DAB1: variants seen among roughly 807,000 people sequenced by gnomAD.
DAB1 encodes DAB adaptor protein 1.
In DAB1, 15 loss-of-function variants were observed where a neutral mutation model predicts 64.6. That is an observed-to-expected ratio of 0.23 (90% CI 0.16 to 0.36). The LOEUF is 0.36. Among genes scored for constraint, DAB1 ranks in the 10% least tolerant of loss-of-function variants. The pLI, the probability that DAB1 is intolerant of heterozygous loss-of-function variation, is 1.00. For synonymous variants in DAB1, 235 were observed against 251.9 expected (o/e 0.93, Z 0.64); for missense variants, 596 against 706.7 (o/e 0.84, Z 1.78).
At chr1:57,824,610 C>T (rs1232341277), downstream of DAB1, among the ~76,000 whole-genome samples, 1 of 152,152 alleles carries the variant, frequency 6.6e-6, no homozygotes, top group Non-Finnish European at 1.5e-5. Context: ...CAGACTGATA[C>T]ATGTCACATT....
At chr1:57,920,216 G>T (rs1569994685) in intron 5 of DAB1, among the ~76,000 whole-genome samples, 1 of 152,192 alleles carries the variant, frequency 6.6e-6, no homozygotes, top group Non-Finnish European at 1.5e-5. Context: ...GCCCTAAACA[G>T]CATTCTTTCC....
chr1:57,907,824 C>A (rs970510924), intron 5 of DAB1, among the ~76,000 whole-genome samples: 1 of 135,600 alleles, frequency 7.4e-6, no homozygotes, highest in Non-Finnish European at 1.5e-5. Flanking sequence ...TGTCATTGTG[C>A]AAACATCAGA....
At chr1:58,492,923 A>C (rs1427712112) in intron 3 of DAB1, among the ~76,000 whole-genome samples, 1 of 152,234 alleles carries the variant, frequency 6.6e-6, no homozygotes, top group Non-Finnish European at 1.5e-5. Flanking sequence ...TTATGAGGCC[A>C]GCATCATCCT....
intron 4 of DAB1, among the ~76,000 whole-genome samples, chr1:58,214,382 A>G (rs1358718049): frequency 6.6e-6 from 1 of 152,204 alleles, no homozygotes; most frequent in African/African-American, 2.4e-5. Flanking sequence ...ACCTGAAGGA[A>G]TATCAGTACT....
At chr1:57,896,027 T>G (rs1644386627) in intron 5 of DAB1, among the ~76,000 whole-genome samples, 1 of 152,146 alleles carries the variant, frequency 6.6e-6, no homozygotes, top group South Asian at 2.1e-4. Flanking sequence ...GCAGAAGGGA[T>G]GAGGCTTGAT....
chr1:58,013,477 A>G (rs551550696), intron 5 of DAB1, among the ~76,000 whole-genome samples: 1 of 152,150 alleles, frequency 6.6e-6, no homozygotes, highest in Non-Finnish European at 1.5e-5. Flanking sequence ...AAAAGAGAAG[A>G]ATTTTTACTG....
At chr1:57,721,622 G>A (rs1232937398) in intron 6 of DAB1, among the ~76,000 whole-genome samples, 1 of 152,230 alleles carries the variant, frequency 6.6e-6, no homozygotes, top group Non-Finnish European at 1.5e-5. Flanking sequence ...GGCTATCTGA[G>A]TTCTGAATCC....
At chr1:57,561,342 T>C (rs534351201) in intron 7 of DAB1, among the ~76,000 whole-genome samples, 1 of 152,258 alleles carries the variant, frequency 6.6e-6, no homozygotes, top group Admixed American at 6.5e-5. Flanking sequence ...GGGCAGAACT[T>C]TGAGCAGTGC....
At chr1:57,494,866 G>T (rs1644211193) in intron 7 of DAB1, among the ~76,000 whole-genome samples, 1 of 152,130 alleles carries the variant, frequency 6.6e-6, no homozygotes, top group South Asian at 2.1e-4. Flanking sequence ...TCTGTACCTT[G>T]CTTCAGCTGT....
intron 7 of DAB1, among the ~76,000 whole-genome samples, chr1:57,585,693 C>T (rs1250590634): frequency 6.6e-6 from 1 of 152,138 alleles, no homozygotes; most frequent in Non-Finnish European, 1.5e-5. Flanking sequence ...TTCTGAGACT[C>T]TATGATCAAT....
chr1:57,372,903 AT>A (rs1680611166), intron 1 of DAB1, among the ~76,000 whole-genome samples: 1 of 152,148 alleles, frequency 6.6e-6, no homozygotes, highest in Non-Finnish European at 1.5e-5. Flanking sequence ...AAGTCTGAGC[AT>A]GGTGGCTCAT....
intron 5 of DAB1, among the ~76,000 whole-genome samples, chr1:57,913,939 G>A (rs1180382885): frequency 5.3e-5 from 8 of 152,060 alleles, no homozygotes; most frequent in Admixed American, 4.6e-4. Context: ...AAAAAGTCAG[G>A]AAACAACAGG....
intron 9 of DAB1, among the ~76,000 whole-genome samples, chr1:57,052,147 C>T (rs1054483766): frequency 1.7e-4 from 4 of 24,212 alleles, no homozygotes; most frequent in Non-Finnish European, 3.5e-4. Context: ...GGCGGGGGGG[C>T]GGGGGGAAGC....
At chr1:58,515,589 T>A (rs1413472378) in intron 2 of DAB1, among the ~76,000 whole-genome samples, 2 of 152,210 alleles carry the variant, frequency 1.3e-5, no homozygotes, top group Non-Finnish European at 2.9e-5. Context: ...GTATGCATTA[T>A]GAAAGTTACT....
chr1:57,856,076 A>T (rs564751184), intron 1 of DAB1, among the ~76,000 whole-genome samples: 1 of 152,304 alleles, frequency 6.6e-6, no homozygotes, highest in African/African-American at 2.4e-5. Context: ...CTTGGGTCTG[A>T]GCTGCTACTG....
At chr1:58,217,998 T>C (rs1255306344) in intron 4 of DAB1, among the ~76,000 whole-genome samples, 6 of 151,336 alleles carry the variant, frequency 4.0e-5, no homozygotes, top group African/African-American at 1.5e-4. Flanking sequence ...GCATTTATTA[T>C]ATATTTTAAA....
intron 3 of DAB1, among the ~76,000 whole-genome samples, chr1:58,469,512 TA>T (rs1395705472): frequency 5.3e-5 from 8 of 152,176 alleles, no homozygotes; most frequent in African/African-American, 1.9e-4. Flanking sequence ...TTAAAAAACT[TA>T]GGGCCTTAGT....
intron 1 of DAB1, among the ~76,000 whole-genome samples, chr1:57,358,525 G>A (rs1284942943): frequency 6.6e-6 from 1 of 151,920 alleles, no homozygotes; most frequent in African/African-American, 2.4e-5. Context: ...TTTAAGGACT[G>A]GAAGAATAAA....
chr1:57,226,689 A>G (rs1316143473), intron 2 of DAB1, among the ~76,000 whole-genome samples: 1 of 147,310 alleles, frequency 6.8e-6, no homozygotes, highest in Non-Finnish European at 1.5e-5. Flanking sequence ...ATATATATAT[A>G]TATATATATC....
Sources: allele counts gnomAD v4.1 joint callset (sites outside exome capture counted in the v4.1 genomes callset), GRCh38; gene constraint gnomAD v4.1.1; transcripts MANE v1.5; gene names NCBI Gene and HGNC (gene_info 2026-07-23, HGNC 2026-07-21).